Variants in INSL6 observed in about 807,000 individuals in gnomAD.
The protein encoded by INSL6 is insulin-like peptide INSL6.
INSL6 carries 16 observed loss-of-function variants against 9.4 expected under a neutral mutation model. The observed-to-expected ratio is 1.70, with a 90% CI of 1.15 to 2.59. INSL6 has a LOEUF of 2.59. Among genes scored for constraint, INSL6 ranks in the 30% most tolerant of loss-of-function variants. The pLI, the probability that INSL6 is intolerant of heterozygous loss-of-function variation, is 0.00. For missense variants in INSL6, 391 were observed against 257.3 expected (o/e 1.52, Z -3.56); for synonymous variants, 154 against 96.9 (o/e 1.59, Z -3.46).
At chr9:5,134,328 G>A (rs1824348981) in intron 2 of INSL6, among the ~76,000 whole-genome samples, 1 of 152,092 alleles carries the variant, frequency 6.6e-6, no homozygotes, top group Non-Finnish European at 1.5e-5. Context: ...TTCAAATTCA[G>A]GAAATATAGA....
At chr9:5,155,267 T>C (rs535291047) in intron 2 of INSL6, among the ~76,000 whole-genome samples, 17 of 145,688 alleles carry the variant, frequency 1.2e-4, no homozygotes, top group South Asian at 4.3e-4. Flanking sequence ...TAGGCGGGAA[T>C]TGAACAATGA....
chr9:5,075,276 G>A, the INSL6 span, among the ~76,000 whole-genome samples: 2 of 152,202 alleles, frequency 1.3e-5, no homozygotes, highest in Non-Finnish European at 2.9e-5. Context: ...GATGAAGATG[G>A]TGACACTAAC....
chr9:5,112,980 G>T, the INSL6 span: 2 of 189,696 alleles, frequency 1.1e-5, no homozygotes, highest in South Asian at 3.2e-4. Context: ...AGCCAACACC[G>T]ACCTGATGAG....
chr9:5,173,531 T>C (rs1165515591), intron 1 of INSL6, among the ~76,000 whole-genome samples: 1 of 152,112 alleles, frequency 6.6e-6, no homozygotes, highest in Non-Finnish European at 1.5e-5. Flanking sequence ...ACACAGCAAG[T>C]TCTCCCTTAT....
chr9:5,029,335 G>A, the INSL6 span, among the ~76,000 whole-genome samples: 1 of 152,158 alleles, frequency 6.6e-6, no homozygotes, highest in African/African-American at 2.4e-5. Flanking sequence ...GGTTCATAGC[G>A]GCCCCAAATG....
the INSL6 span, among the ~76,000 whole-genome samples, chr9:5,048,644 C>T: frequency 1.3e-5 from 2 of 152,024 alleles, no homozygotes; most frequent in African/African-American, 4.8e-5. Context: ...TTGGGTGATA[C>T]TGATTATTTG....
the INSL6 span, among the ~76,000 whole-genome samples, chr9:5,008,533 C>T: frequency 1.3e-5 from 2 of 152,116 alleles, no homozygotes; most frequent in African/African-American, 2.4e-5. Flanking sequence ...TTGAGCAGCA[C>T]TAAGGGCCCA....
the INSL6 span, chr9:5,108,072 C>T: frequency 6.6e-6 from 1 of 152,050 alleles, no homozygotes; most frequent in Non-Finnish European, 1.5e-5. Flanking sequence ...GTAACTCATC[C>T]AACTTCTCAC....
At chr9:5,127,579 C>G in intron 3 of INSL6, 1 of 231,546 alleles carries the variant, frequency 4.3e-6, no homozygotes. Flanking sequence ...GGAACTATCT[C>G]CAAATTTTTC....
chr9:5,167,649 A>T (rs1360063), intron 1 of INSL6, among the ~76,000 whole-genome samples: 1 of 152,002 alleles, frequency 6.6e-6, no homozygotes, highest in Non-Finnish European at 1.5e-5. Context: ...AGGGTTGGCC[A>T]CGCTATCGTG....
At chr9:5,011,864 T>G in the INSL6 span, among the ~76,000 whole-genome samples, 177 of 152,336 alleles carry the variant, frequency 1.2e-3, 2 homozygotes, top group African/African-American at 3.9e-3. Context: ...TTGCCATTAC[T>G]TCTGGTAAGT....
the INSL6 span, among the ~76,000 whole-genome samples, chr9:5,043,978 A>G: frequency 6.6e-6 from 1 of 152,244 alleles, no homozygotes; most frequent in Non-Finnish European, 1.5e-5. Flanking sequence ...AGGTGTTACT[A>G]AAAGACAATA....
the INSL6 span, among the ~76,000 whole-genome samples, chr9:5,018,455 G>C: frequency 2.0e-5 from 3 of 152,236 alleles, no homozygotes; most frequent in South Asian, 6.2e-4. Context: ...TTCTGCCTCA[G>C]CCTCTCAGGT....
chr9:5,064,956 C>A, the INSL6 span: 1 of 1,605,984 alleles, frequency 6.2e-7, no homozygotes, highest in Non-Finnish European at 8.5e-7. Context: ...AGATTAACTG[C>A]AGATGCACAT....
chr9:5,002,425 T>C, the INSL6 span, among the ~76,000 whole-genome samples: 1 of 152,020 alleles, frequency 6.6e-6, no homozygotes, highest in African/African-American at 2.4e-5. Context: ...AATTTTGCAA[T>C]ACTGGGAGAT....
chr9:4,995,715 A>T, the INSL6 span, among the ~76,000 whole-genome samples: 2 of 152,262 alleles, frequency 1.3e-5, no homozygotes, highest in Non-Finnish European at 2.9e-5. Flanking sequence ...ACTTGAAAAT[A>T]AAATGAATAA....
At chr9:5,081,885 A>G in the INSL6 span, 11 of 1,583,658 alleles carry the variant, frequency 6.9e-6, no homozygotes, top group African/African-American at 1.4e-5. Flanking sequence ...ATTTTTTCAA[A>G]TAGAGTATAA....
At chr9:5,132,140 T>A (rs747673470) in intron 3 of INSL6, 1 of 152,228 alleles carries the variant, frequency 6.6e-6, no homozygotes, top group Non-Finnish European at 1.5e-5. Flanking sequence ...TGAAGTTGAA[T>A]CCTAGAACAG....
At chr9:5,162,577 A>G (rs921448832), downstream of INSL6, among the ~76,000 whole-genome samples, 6 of 152,188 alleles carry the variant, frequency 3.9e-5, no homozygotes, top group African/African-American at 1.2e-4. Context: ...AACATGGAGC[A>G]TTTTCATCTA....
Sources: gnomAD v4.1 joint callset for allele counts (sites outside exome capture counted in the v4.1 genomes callset) on GRCh38, gnomAD v4.1.1 for gene constraint, MANE v1.5 for transcripts, NCBI Gene and HGNC (gene_info 2026-07-23, HGNC 2026-07-21) for gene names.